Variants in RBM23 observed in about 807,000 individuals in gnomAD.
RBM23 encodes RNA binding motif protein 23, also known as probable RNA-binding protein 23.
Under a neutral mutation model 56.2 loss-of-function variants are expected in RBM23, and 53 were observed. That is an observed-to-expected ratio of 0.94 (90% CI 0.76 to 1.19). The LOEUF (loss-of-function observed/expected upper bound fraction) is 1.19, where lower values mean the gene tolerates loss of function less well. RBM23 is among the 50% of genes most tolerant of loss of function. The pLI is 0.00. For missense variants in RBM23, 642 were observed against 590.3 expected (o/e 1.09, Z -0.91); for synonymous variants, 197 against 198.5 (o/e 0.99, Z 0.06).
intron 1 of RBM23, 92 bp downstream of exon 1, chr14:22,918,907 A>G (rs1003406640): frequency 6.6e-6 from 1 of 152,086 alleles, no homozygotes; most frequent in Non-Finnish European, 1.5e-5. Flanking sequence ...TCGTGACGCC[A>G]TTTTCTGCCC....
At chr14:22,904,825 C>T (rs2041249304) in intron 9 of RBM23, 50 bp downstream of exon 9, 1 of 1,609,420 alleles carries the variant, frequency 6.2e-7, no homozygotes. Flanking sequence ...AACACTCACC[C>T]TCCCCACTTC....
rs1256475338 is a variant in RBM23, at chr14:22,895,858, AG to A, written c.*5871del. Reference sequence around the variant, plus strand: ...GTTAGGTACCTTGAAGGTACCTGTGAGGGGGGCTCATTTTGATTTTTCGAAA... The same window carrying A: ...GTTAGGTACCTTGAAGGTACCTGTGAGGGGGCTCATTTTGATTTTTCGAAA... On this transcript the variant is annotated 3_prime_UTR_variant, in exon 14 of 14. Coordinates refer to ENST00000359890, the MANE Select transcript of RBM23 (RefSeq NM_001077351.2). The A allele has an allele frequency of 6.6e-6, 1 of 152,054 alleles. No homozygotes were observed. Among genetic ancestry groups the A allele is most frequent in the Non-Finnish European group, 1.5e-5 (1 of 68,006 alleles). 9.4% of individuals were successfully genotyped at this position (152,054 alleles called of 1,614,324 possible).
At chr14:22,909,353 C>A in intron 3 of RBM23, 130 bp downstream of exon 3, 2 of 738,998 alleles carry the variant, frequency 2.7e-6, no homozygotes, top group Non-Finnish European at 4.8e-6. Context: ...ATTCTCATGA[C>A]CTAGGTGGAG....
At chr14:22,908,209 C>T (rs1419016121) in intron 4 of RBM23, 124 bp downstream of exon 4, 16 of 1,031,696 alleles carry the variant, frequency 1.6e-5, no homozygotes, top group Non-Finnish European at 1.9e-5. Context: ...TTTGTAGAGA[C>T]AGGATTTTGC....
At chr14:22,907,292 A>G (rs537416863) in intron 4 of RBM23, among the ~76,000 whole-genome samples, 4 of 152,304 alleles carry the variant, frequency 2.6e-5, no homozygotes, top group Middle Eastern at 3.4e-3. Context: ...CGGTGAGCCA[A>G]GATCACGCCA....
intron 1 of RBM23, chr14:22,917,733 C>G (rs779068350): frequency 6.6e-6 from 1 of 152,292 alleles, no homozygotes. Context: ...TTCAAACGCT[C>G]TCTTCATGTC....
intron 1 of RBM23, among the ~76,000 whole-genome samples, chr14:22,915,445 C>T (rs1182400385): frequency 2.0e-5 from 3 of 150,916 alleles, no homozygotes; most frequent in African/African-American, 4.9e-5. Flanking sequence ...GTGATCCGAC[C>T]GCCTCGCCCT....
At chr14:22,903,585 A>ACTGCCCT (rs1450026150) in intron 10 of RBM23, 21 of 989,198 alleles carry the variant, frequency 2.1e-5, no homozygotes, top group Non-Finnish European at 2.5e-5. Context: ...AATACAACCT[A>ACTGCCCT]CTGCCCTCTG....
At chr14:22,901,793 G>A in intron 13 of RBM23, 21 bp downstream of exon 13, 1 of 1,614,036 alleles carries the variant, frequency 6.2e-7, no homozygotes, top group African/African-American at 1.3e-5. Flanking sequence ...AGGCTAGAAT[G>A]AGCTAGACCC....
rs761678543 is a variant in RBM23 at position 22,901,901 on chromosome 14, A to G, written c.1247-18T>C. ...ACTCAGAGCTAGAACAAAGACAGGC[A>G]GAGTGAGTGAGCAAGCACCGCGCAC... is the stretch of plus-strand genomic sequence containing the variant. On this transcript the variant is annotated intron_variant, in intron 12 of 13. Transcript: ENST00000359890. The G allele has an allele frequency of 1.2e-6, 2 of 1,614,104 alleles. No individual in the cohort carries two copies. The highest frequency in any genetic ancestry group is 3.3e-5 in the Admixed American group (2 of 60,006).
intron 1 of RBM23, among the ~76,000 whole-genome samples, chr14:22,912,741 G>A (rs1405576729): frequency 6.6e-6 from 1 of 151,968 alleles, no homozygotes; most frequent in Non-Finnish European, 1.5e-5. Context: ...TGTAATCCCA[G>A]CACTTTGGGA....
chr14:22,907,156 A>G (rs1227055191), intron 4 of RBM23, among the ~76,000 whole-genome samples: 1 of 151,988 alleles, frequency 6.6e-6, no homozygotes, highest in African/African-American at 2.4e-5. Context: ...CCTGGGCAAC[A>G]GAGTGAGACT....
At position 22,902,060 on chromosome 14, in the gene RBM23, GCA is replaced by G. The variant is rs762848810; in HGVS notation, c.1164_1165del (p.Ala389CysfsTer86). On this transcript the variant is annotated frameshift_variant, in exon 12 of 14. Coordinates refer to ENST00000359890, the MANE Select transcript of RBM23 (RefSeq NM_001077351.2). LOFTEE classifies it high-confidence loss of function. ...GGCAGCAGCCTGGGCGGCGGCGGCA[GCA>G]GCAGCAGCAGCAGTGCTTGGCAGTT... The G allele has an allele frequency of 2.0e-4, 322 of 1,611,582 alleles. 1 individual carries two copies. Among genetic ancestry groups the G allele is most frequent in the Middle Eastern group, 1.5e-3 (9 of 6,048 alleles).
chr14:22,915,517 A>G lies in RBM23; in HGVS notation c.-11+3482T>C, dbSNP rs1225199255. ...CTGGCTTTTTTTTTTTTTTTTTGAGAAGGAGTCTAGCTCTGTTGTCCAGGC... is the reference window on the plus strand; with the variant it reads ...CTGGCTTTTTTTTTTTTTTTTTGAGGAGGAGTCTAGCTCTGTTGTCCAGGC... On this transcript the variant is annotated intron_variant, in intron 1 of 13. Coordinates refer to ENST00000359890, the MANE Select transcript of RBM23 (RefSeq NM_001077351.2). Among the ~76,000 whole-genome samples the G allele has an allele frequency of 2.3e-3, 311 of 132,762 alleles. 2 individuals carry two copies. The highest frequency in any genetic ancestry group is 8.9e-3 in the African/African-American group (296 of 33,112). 87.1% of individuals were successfully genotyped at this position (132,762 alleles called of 152,430 possible). A position where few individuals can be genotyped will look rare whatever the true frequency, so the allele number is the denominator to read the frequency against.
Position 22,902,016 on chromosome 14 carries a change from C to G in RBM23, c.1210G>C (p.Val404Leu), listed in dbSNP as rs879901593. 1.6e-5 allele frequency: 26 copies of G among 1,612,616 alleles called. No homozygotes were observed. The highest frequency in any genetic ancestry group is 2.2e-5 in the Non-Finnish European group (26 of 1,179,114). ...GCTGGATTCAGGGCCCCCAAGGGAA[C>G]TGCTCCATTCAGTTGCAAGGCAGCA... Reference protein sequence around the residue: ...QAAALQLNGAVPLGALNPAAL... With the variant: ...QAAALQLNGALPLGALNPAAL... The change falls in exon 12 of 14, where the codon GTT (valine) becomes CTT (leucine). Residue 404 changes from valine to leucine, a missense_variant. Transcript: ENST00000359890.
At chr14:22,902,739 T>A in intron 10 of RBM23, 1 of 541,556 alleles carries the variant, frequency 1.8e-6, no homozygotes, top group Non-Finnish European at 2.4e-6. Context: ...CAGTTCTCTA[T>A]CCTAGTAAGT....
intron 2 of RBM23, among the ~76,000 whole-genome samples, chr14:22,909,966 G>A (rs749764425): frequency 2.0e-5 from 3 of 150,036 alleles, no homozygotes; most frequent in Non-Finnish European, 3.0e-5. Context: ...CAGCCTCGCC[G>A]ACATGTCGAA....
chr14:22,910,920 A>G (rs961733144), intron 2 of RBM23, among the ~76,000 whole-genome samples: 6 of 152,178 alleles, frequency 3.9e-5, no homozygotes, highest in African/African-American at 1.4e-4. Flanking sequence ...CTGAGGCATG[A>G]GAATGGCTTG....
chr14:22,917,175 A>T (rs572874122), intron 1 of RBM23: 6 of 152,056 alleles, frequency 3.9e-5, no homozygotes, highest in Admixed American at 1.3e-4. Flanking sequence ...GCCTAAAAAG[A>T]AAAGTTTTTT....
Sources: allele counts gnomAD v4.1 joint callset (sites outside exome capture counted in the v4.1 genomes callset), GRCh38; gene constraint gnomAD v4.1.1; transcripts MANE v1.5; gene names NCBI Gene and HGNC (gene_info 2026-07-23, HGNC 2026-07-21).